The following CNOT10 variants were observed in gnomAD, a reference collection of about 807,000 sequenced individuals.
The protein encoded by CNOT10 is CCR4-NOT transcription complex subunit 10.
In CNOT10, 30 loss-of-function variants were observed where a neutral mutation model predicts 94.6. The ratio of observed to expected loss-of-function variants is 0.32; its 90% CI spans 0.24 to 0.43. The LOEUF (loss-of-function observed/expected upper bound fraction) is 0.43. Ranked by LOEUF, CNOT10 falls within the 20% of genes least tolerant of loss-of-function variation. The pLI is 1.00. For missense variants in CNOT10, 759 were observed against 877.2 expected, an observed-to-expected ratio of 0.87 and a Z score of 1.70; for synonymous variants, 289 against 301.6, an observed-to-expected ratio of 0.96 and a Z score of 0.43.
intron 17 of CNOT10, among the ~76,000 whole-genome samples, chr3:32,768,280 A>G (rs1425144476): frequency 1.3e-5 from 2 of 152,126 alleles, no homozygotes; most frequent in African/African-American, 4.8e-5. Flanking sequence ...GAAAACAGAG[A>G]TTTTACTATC....
intron 8 of CNOT10, among the ~76,000 whole-genome samples, chr3:32,723,075 G>T (rs1173947345): frequency 6.6e-6 from 1 of 151,980 alleles, no homozygotes; most frequent in Non-Finnish European, 1.5e-5. Context: ...CATTGTTTTG[G>T]AATGTTTGGG....
intron 4 of CNOT10, among the ~76,000 whole-genome samples, chr3:32,712,112 T>C (rs992999780): frequency 2.0e-5 from 3 of 152,120 alleles, no homozygotes; most frequent in Admixed American, 6.5e-5. Flanking sequence ...TTTTCTGATA[T>C]ACTCCAGCCC....
At chr3:32,771,579 G>A (rs1303995872) in intron 18 of CNOT10, among the ~76,000 whole-genome samples, 2 of 151,982 alleles carry the variant, frequency 1.3e-5, no homozygotes, top group East Asian at 1.9e-4. Flanking sequence ...CAATCTGGGC[G>A]ACAGAGTGAA....
chr3:32,704,756 G>T, intron 2 of CNOT10, 55 bp from the exon 3 acceptor site: 1 of 1,492,386 alleles, frequency 6.7e-7, no homozygotes, highest in Non-Finnish European at 9.0e-7. Flanking sequence ...ATGATATACT[G>T]TATTTAAAGC....
In CNOT10 at chr3:32,755,034, G is replaced by A. The variant is rs559167520; in HGVS notation, c.1596-4424G>A. 2.9e-3 allele frequency among the ~76,000 whole-genome samples: 443 copies of A among 151,568 alleles called. 5 individuals carry two copies. Among genetic ancestry groups the A allele is most frequent in the African/African-American group, 0.01 (425 of 41,408 alleles). On this transcript the variant is annotated intron_variant, in intron 13 of 18. Transcript: ENST00000328834. ...GTCCAAGGCAGGCGGATCACCTGTG[G>A]TCAGGAGTTCGAGACCAGCCTGGCC...
chr3:32,708,311 G>A (rs913620668), intron 3 of CNOT10, among the ~76,000 whole-genome samples: 2 of 152,202 alleles, frequency 1.3e-5, no homozygotes, highest in Non-Finnish European at 2.9e-5. Context: ...CACGCCTGGT[G>A]TAGCCTCTTG....
rs778527551 is a variant in CNOT10, at chr3:32,764,852, A to G, written c.2004+43A>G. 5.6e-6 allele frequency: 9 copies of G among 1,602,752 alleles called. No homozygotes were observed. In the East Asian group the frequency reaches 1.1e-4, roughly 20 times the overall value. ...GGAACTGAACCTTGTAAAGCAGCCA[A>G]CACAAGTTTGAGGTTTATATTTTTT... On this transcript the variant is annotated intron_variant, in intron 17 of 18. Coordinates refer to ENST00000328834, the MANE Select transcript of CNOT10 (RefSeq NM_015442.3).
chr3:32,747,055 TGTG>T (rs1437175449), intron 13 of CNOT10, among the ~76,000 whole-genome samples: 4 of 149,896 alleles, frequency 2.7e-5, no homozygotes, highest in Non-Finnish European at 5.9e-5. Context: ...AGGCGGAGGT[TGTG>T]GTGAGCCGAG....
chr3:32,730,318 C>T (rs375527770), intron 10 of CNOT10, among the ~76,000 whole-genome samples: 11 of 152,044 alleles, frequency 7.2e-5, no homozygotes. Flanking sequence ...CTCCCCTCCC[C>T]CTAGAGGAGA....
intron 18 of CNOT10, among the ~76,000 whole-genome samples, chr3:32,773,148 T>C (rs535668997): frequency 3.9e-4 from 60 of 152,332 alleles, no homozygotes; most frequent in African/African-American, 1.4e-3. Context: ...GTTACAGGCA[T>C]GAACCAACCC....
At chr3:32,756,457 G>T (rs1013020641) in intron 13 of CNOT10, among the ~76,000 whole-genome samples, 8 of 152,156 alleles carry the variant, frequency 5.3e-5, no homozygotes, top group African/African-American at 1.9e-4. Context: ...TTGACAGTGG[G>T]CTGGAGCAGT....
intron 13 of CNOT10, among the ~76,000 whole-genome samples, chr3:32,756,267 T>C (rs1700220117): frequency 6.6e-6 from 1 of 152,250 alleles, no homozygotes; most frequent in Admixed American, 6.5e-5. Flanking sequence ...CCCTAAAGTT[T>C]CATATTCACA....
intron 10 of CNOT10, among the ~76,000 whole-genome samples, chr3:32,733,099 C>T (rs1030822269): frequency 5.9e-5 from 9 of 152,140 alleles, no homozygotes; most frequent in African/African-American, 2.2e-4. Context: ...GTCAAAGTAC[C>T]TGTAACATGT....
intron 10 of CNOT10, 144 bp from the exon 11 acceptor site, chr3:32,733,279 A>G (rs1006387679): frequency 3.5e-6 from 2 of 574,254 alleles, no homozygotes; most frequent in Admixed American, 3.6e-5. Context: ...AATACCAAAC[A>G]TGTTTCCATT....
At chr3:32,687,343 A>G (rs7648477) in intron 1 of CNOT10, among the ~76,000 whole-genome samples, 5,975 of 148,518 alleles carry the variant, frequency 0.04, 191 homozygotes, top group African/African-American at 0.081. Flanking sequence ...TCCCCTTCCT[A>G]TAAAGTTTCT....
chr3:32,704,727 T>C (rs184184876), intron 2 of CNOT10, 84 bp from the exon 3 acceptor site: 155 of 1,405,114 alleles, frequency 1.1e-4, no homozygotes, highest in Non-Finnish European at 1.4e-4. Context: ...AAGATAAAGA[T>C]GAATGAAATA....
intron 13 of CNOT10, among the ~76,000 whole-genome samples, chr3:32,754,638 A>T (rs1209407001): frequency 7.3e-6 from 1 of 137,418 alleles, no homozygotes; most frequent in Non-Finnish European, 1.5e-5. Flanking sequence ...TTCTGCCTCG[A>T]CCTCCTGAGT....
At chr3:32,772,705 C>A (rs1351036146) in intron 18 of CNOT10, among the ~76,000 whole-genome samples, 2 of 151,984 alleles carry the variant, frequency 1.3e-5, no homozygotes, top group African/African-American at 4.8e-5. Context: ...TCAAAAAAAA[C>A]CCAATGTTCT....
chr3:32,738,974 G>T (rs1012642709), intron 13 of CNOT10, among the ~76,000 whole-genome samples: 3 of 148,392 alleles, frequency 2.0e-5, no homozygotes, highest in African/African-American at 7.5e-5. Context: ...GTATGATCTC[G>T]GCTCACTGCA....
Sources: gnomAD v4.1 joint callset for allele counts (sites outside exome capture counted in the v4.1 genomes callset) on GRCh38, gnomAD v4.1.1 for gene constraint, MANE v1.5 for transcripts, NCBI Gene and HGNC (gene_info 2026-07-23, HGNC 2026-07-21) for gene names.